DNAH14: variants seen among roughly 807,000 people sequenced by gnomAD.
DNAH14 encodes axonemal beta dynein heavy chain 14.
DNAH14 carries 478 observed loss-of-function variants against 520.9 expected under a neutral mutation model. That is an observed-to-expected ratio of 0.92 (90% CI 0.85 to 0.99). DNAH14 has a LOEUF of 0.99. DNAH14 is among the 50% of genes least tolerant of loss of function. DNAH14 has a pLI of 0.00. For missense variants in DNAH14, 4,831 were observed against 5,234.5 expected, an observed-to-expected ratio of 0.92 and a Z score of 2.38; for synonymous variants, 1,581 against 1,757.2, an observed-to-expected ratio of 0.90 and a Z score of 2.51.
chr1:225,129,980 C>A (rs2078211299), intron 27 of DNAH14, among the ~76,000 whole-genome samples: 2 of 151,900 alleles, frequency 1.3e-5, no homozygotes, highest in African/African-American at 2.4e-5. Flanking sequence ...AAGAAAAAAA[C>A]AAACAACCCC....
intron 63 of DNAH14, 90 bp from the exon 64 acceptor site, chr1:225,324,647 G>T: frequency 1.7e-6 from 2 of 1,193,412 alleles, no homozygotes; most frequent in South Asian, 2.9e-5. Context: ...TGTAACAATT[G>T]ACTCTGTAAA....
intron 76 of DNAH14, 74 bp downstream of exon 76, chr1:225,364,968 A>T (rs1359038122): frequency 2.8e-6 from 3 of 1,080,498 alleles, no homozygotes; most frequent in Non-Finnish European, 3.9e-6. Context: ...TACATTCAAA[A>T]CTCTGAGTTT....
intron 35 of DNAH14, among the ~76,000 whole-genome samples, chr1:225,167,463 A>C (rs1289250409): frequency 6.6e-6 from 1 of 152,204 alleles, no homozygotes; most frequent in Non-Finnish European, 1.5e-5. Flanking sequence ...TTATAACCAC[A>C]TCATGTCTTT....
At chr1:225,063,107 C>T (rs778509786) in intron 17 of DNAH14, among the ~76,000 whole-genome samples, 2 of 134,792 alleles carry the variant, frequency 1.5e-5, no homozygotes, top group Non-Finnish European at 3.3e-5. Flanking sequence ...ATGAACATAA[C>T]AGACAAATGA....
chr1:225,357,458 G>C (rs3856152), intron 73 of DNAH14, among the ~76,000 whole-genome samples: 151,964 of 152,296 alleles, frequency 1, 75,817 homozygotes, highest in Middle Eastern at 1. Context: ...AGCATAGATT[G>C]TCTGCAGTGA....
At chr1:225,362,300 C>A (rs1157326791) in intron 75 of DNAH14, among the ~76,000 whole-genome samples, 1 of 152,014 alleles carries the variant, frequency 6.6e-6, no homozygotes, top group Non-Finnish European at 1.5e-5. Context: ...CCGGGCCGGG[C>A]GCGGTGGCTC....
At chr1:224,981,561 A>G (rs2062268980) in intron 8 of DNAH14, among the ~76,000 whole-genome samples, 1 of 152,000 alleles carries the variant, frequency 6.6e-6, no homozygotes, top group African/African-American at 2.4e-5. Context: ...TAGGTTTTCT[A>G]GTTTCTATGC....
chr1:225,155,778 C>T (rs754074227), intron 34 of DNAH14, among the ~76,000 whole-genome samples: 38 of 152,080 alleles, frequency 2.5e-4, no homozygotes, highest in Non-Finnish European at 4.6e-4. Context: ...CTGTGCTGCC[C>T]TAAATGTGAC....
intron 54 of DNAH14, among the ~76,000 whole-genome samples, chr1:225,284,829 A>T (rs2093699922): frequency 6.6e-6 from 1 of 152,198 alleles, no homozygotes; most frequent in Non-Finnish European, 1.5e-5. Flanking sequence ...ATTTGGTTTA[A>T]TATTTTCTAA....
intron 17 of DNAH14, among the ~76,000 whole-genome samples, chr1:225,076,717 G>A (rs2148534035): frequency 6.6e-6 from 1 of 152,154 alleles, no homozygotes; most frequent in African/African-American, 2.4e-5. Flanking sequence ...TCCTCTTTCT[G>A]GCTGCTCTTT....
intron 27 of DNAH14, among the ~76,000 whole-genome samples, chr1:225,140,007 CTGTATGCTCCTA>C (rs2149016614): frequency 6.6e-6 from 1 of 152,350 alleles, no homozygotes; most frequent in East Asian, 1.9e-4. Context: ...GTTTCTCATC[CTGTATGCTCCTA>C]TCTCGATCTG....
At chr1:224,934,547 A>G (rs1417462154) in intron 1 of DNAH14, among the ~76,000 whole-genome samples, 1 of 151,938 alleles carries the variant, frequency 6.6e-6, no homozygotes, top group Non-Finnish European at 1.5e-5. Context: ...GGGACAATAA[A>G]AAGTGACAAA....
At chr1:225,052,139 G>A (rs2068598530) in intron 17 of DNAH14, among the ~76,000 whole-genome samples, 1 of 152,054 alleles carries the variant, frequency 6.6e-6, no homozygotes, top group African/African-American at 2.4e-5. Context: ...TATTCCATTA[G>A]AATGTAAGCT....
At chr1:225,246,467 G>A (rs1054611885) in intron 43 of DNAH14, among the ~76,000 whole-genome samples, 8 of 152,086 alleles carry the variant, frequency 5.3e-5, no homozygotes, top group African/African-American at 1.9e-4. Flanking sequence ...AGAAAATTTT[G>A]CGATCTATCC....
chr1:224,967,389 CAAAT>C, intron 5 of DNAH14, 38 bp from the exon 6 acceptor site: 5 of 1,390,160 alleles, frequency 3.6e-6, no homozygotes, highest in Non-Finnish European at 4.8e-6. Flanking sequence ...TTAATTTAGT[CAAAT>C]TAATTAAATT....
intron 55 of DNAH14, among the ~76,000 whole-genome samples, chr1:225,297,024 C>T (rs2150042396): frequency 6.6e-6 from 1 of 152,272 alleles, no homozygotes; most frequent in Middle Eastern, 3.4e-3. Context: ...GACTAACACT[C>T]TCTGAAGACT....
chr1:225,362,033 T>C (rs1403865663), intron 75 of DNAH14, among the ~76,000 whole-genome samples: 1 of 152,232 alleles, frequency 6.6e-6, no homozygotes, highest in African/African-American at 2.4e-5. Flanking sequence ...AAAAACTATT[T>C]ATAGGGCATC....
At chr1:224,947,061 G>A (rs939762457) in intron 1 of DNAH14, among the ~76,000 whole-genome samples, 1 of 151,798 alleles carries the variant, frequency 6.6e-6, no homozygotes, top group African/African-American at 2.4e-5. Flanking sequence ...GGGATTACAG[G>A]CATGCACCAC....
At chr1:225,009,146 C>T (rs1373488308) in intron 10 of DNAH14, among the ~76,000 whole-genome samples, 1 of 152,100 alleles carries the variant, frequency 6.6e-6, no homozygotes, top group Non-Finnish European at 1.5e-5. Flanking sequence ...GCTTTTGTTG[C>T]CATTGCTTTT....
Sources: allele counts gnomAD v4.1 joint callset (sites outside exome capture counted in the v4.1 genomes callset), GRCh38; gene constraint gnomAD v4.1.1; transcripts MANE v1.5; gene names NCBI Gene and HGNC (gene_info 2026-07-23, HGNC 2026-07-21).